Variants in ERCC6 observed in about 807,000 individuals in gnomAD.
ERCC6 encodes the protein ERCC excision repair 6, chromatin remodeling factor.
In ERCC6, 116 loss-of-function variants were observed where a neutral mutation model predicts 158.7. The ratio of observed to expected loss-of-function variants is 0.73; its 90% CI spans 0.63 to 0.85. The LOEUF is 0.85. Ranked by LOEUF, ERCC6 falls within the 40% of genes least tolerant of loss-of-function variation. ERCC6 has a pLI of 0.00. For missense variants in ERCC6, 1,698 were observed against 1,799.4 expected (o/e 0.94, Z 1.02); for synonymous variants, 678 against 659.3 (o/e 1.03, Z -0.43).
Position 49,458,646 on chromosome 10 carries a change from T to G in ERCC6, c.*169A>C. 1.4e-6 allele frequency: 1 copy of G among 689,910 alleles called. No homozygotes were observed. 42.7% of individuals were successfully genotyped at this position (689,910 alleles called of 1,614,324 possible). On this transcript the variant is annotated 3_prime_UTR_variant, in exon 21 of 21. Transcript: ENST00000355832. The stretch of plus-strand genomic sequence containing the variant: ...CTAGCATTATTAAAACTTTTAACTT[T>G]CAGAGAAGAGTTTCTTCTTCCTTAA...
chr10:49,485,877 A>AT (rs1375808395), intron 8 of ERCC6, among the ~76,000 whole-genome samples: 2 of 152,234 alleles, frequency 1.3e-5, no homozygotes, highest in East Asian at 3.8e-4. Flanking sequence ...ACAGTGAGTT[A>AT]TTAACAGGGA....
intron 20 of ERCC6, among the ~76,000 whole-genome samples, chr10:49,459,489 C>T: frequency 6.6e-6 from 1 of 152,132 alleles, no homozygotes; most frequent in South Asian, 2.1e-4. Context: ...GTCACCACCA[C>T]TCAACATGGT....
At chr10:49,446,953 A>G in the ERCC6 span, among the ~76,000 whole-genome samples, 2 of 152,240 alleles carry the variant, frequency 1.3e-5, no homozygotes, top group Non-Finnish European at 2.9e-5. Context: ...AAGGACATGA[A>G]TCCTTAAATT....
At chr10:49,489,812 TGGG>T in intron 8 of ERCC6, among the ~76,000 whole-genome samples, 1 of 152,220 alleles carries the variant, frequency 6.6e-6, no homozygotes, top group Admixed American at 6.5e-5. Flanking sequence ...CTGTGAGTTA[TGGG>T]ATAGGTATCA....
chr10:49,530,768 T>C lies in ERCC6; in HGVS notation c.495A>G (p.Arg165=), dbSNP rs567548745. ...CAGAATCTAGTTTCCTGTTGATGTC[T>C]CTGCTGGTGGCAGCTTGAGGGCTAA... is the stretch of plus-strand genomic sequence containing the variant. ...EQLSPQAATS[R]DINRKLDSVK... Residue 165 remains arginine (R), a synonymous_variant, in exon 3 of 21, where the codon AGA becomes AGG. Coordinates refer to ENST00000355832, the MANE Select transcript of ERCC6 (RefSeq NM_000124.4). 1 of 1,613,914 alleles carries C rather than the reference T, an allele frequency of 6.2e-7. No individual in the cohort carries two copies. The highest frequency in any genetic ancestry group is 8.5e-7 in the Non-Finnish European group (1 of 1,179,918).
Position 49,526,115 on chromosome 10 carries a change from TTTTATATATATATATA to T in ERCC6, c.653-1354_653-1339del, listed in dbSNP as rs1449617163. Among the ~76,000 whole-genome samples the T allele has an allele frequency of 3.7e-3, 385 of 105,438 alleles. 21 individuals carry two copies. The highest frequency in any genetic ancestry group is 0.015 in the African/African-American group (363 of 24,486). The allele number at this position is 105,438 out of a possible 152,430, so 69.2% of individuals were successfully genotyped here. ...TTTATATATTTATATATTTATATAT[TTTTATATATATATATA>T]TATATATATATATATATATATATAT... On this transcript the variant is annotated intron_variant, in intron 4 of 20. Coordinates refer to ENST00000355832, the MANE Select transcript of ERCC6 (RefSeq NM_000124.4).
At position 49,524,063 on chromosome 10, in the gene ERCC6, C is replaced by T. The variant is rs1435459745; in HGVS notation, c.1367G>A (p.Gly456Glu). 1.5e-5 allele frequency: 25 copies of T among 1,613,740 alleles called. No homozygotes were observed. The highest frequency in any genetic ancestry group is 5.0e-5 in the Admixed American group (3 of 60,010). Residue 456 changes from glycine to glutamate, a missense_variant, in exon 5 of 21, where the codon GGA becomes GAA. By Grantham distance (98) the Gly-to-Glu change is moderately conservative. Transcript: ENST00000355832. Reference sequence around the variant, plus strand: ...CCGCTGCTTATAATAATCTTCATCTCCATCATCTCGGTATCTTCCCACTTT... The same window carrying T: ...CCGCTGCTTATAATAATCTTCATCTTCATCATCTCGGTATCTTCCCACTTT... Reference protein sequence around the residue: ...GRKVGRYRDDGDEDYYKQRLR... With the variant: ...GRKVGRYRDDEDEDYYKQRLR...
At chr10:49,480,160 G>T (rs734907) in intron 10 of ERCC6, among the ~76,000 whole-genome samples, 1 of 152,188 alleles carries the variant, frequency 6.6e-6, no homozygotes, top group Admixed American at 6.5e-5. Context: ...TATTTGGGCT[G>T]CTGACATGCT....
intron 7 of ERCC6, among the ~76,000 whole-genome samples, chr10:49,494,688 A>G (rs1293927048): frequency 1.3e-5 from 2 of 152,184 alleles, no homozygotes; most frequent in Non-Finnish European, 2.9e-5. Flanking sequence ...TCACTAGTCC[A>G]TGAAGCTGGC....
chr10:49,506,608 TA>T (rs1851447890), intron 5 of ERCC6: 1 of 152,380 alleles, frequency 6.6e-6, no homozygotes, highest in South Asian at 2.1e-4. Flanking sequence ...GTTCACTGAA[TA>T]AAATCTAAGT....
chr10:49,517,041 A>G (rs752413484), intron 5 of ERCC6: 23 of 1,613,608 alleles, frequency 1.4e-5, no homozygotes, highest in Non-Finnish European at 1.8e-5. Flanking sequence ...TTGTATCACT[A>G]TAGCACTTGC....
At chr10:49,500,461 AC>A in intron 7 of ERCC6, 76 bp downstream of exon 7, 1 of 1,467,262 alleles carries the variant, frequency 6.8e-7, no homozygotes, top group Non-Finnish European at 9.5e-7. Flanking sequence ...AATTCACAAG[AC>A]CCTCCTCCAC....
Position 49,472,904 on chromosome 10 carries a change from C to T in ERCC6, c.2829+5G>A. On this transcript the variant is annotated splice_donor_5th_base_variant and intron_variant, in intron 15 of 20. Transcript: ENST00000355832. ...CATTCTTTTAAAAAAAAAATAAAAA[C>T]AAACCTGCGTGTCCGTGCTTGGGTT... The T allele has an allele frequency of 6.2e-7, 1 of 1,612,802 alleles. No homozygotes were observed. The highest frequency in any genetic ancestry group is 8.5e-7 in the Non-Finnish European group (1 of 1,179,440).
At chr10:49,535,250 T>C (rs1837569813) in intron 1 of ERCC6, among the ~76,000 whole-genome samples, 1 of 152,204 alleles carries the variant, frequency 6.6e-6, no homozygotes, top group Non-Finnish European at 1.5e-5. Flanking sequence ...GCAGCTTACA[T>C]GTAATCAGTA....
intron 8 of ERCC6, among the ~76,000 whole-genome samples, chr10:49,486,276 A>T (rs1048886482): frequency 2.0e-5 from 3 of 152,194 alleles, no homozygotes; most frequent in Admixed American, 6.5e-5. Flanking sequence ...AAAGGATTTG[A>T]GTATCACCAT....
rs771748055 is a variant in ERCC6 at position 49,505,925 on chromosome 10, T to C, written c.1485A>G (p.Glu495=). The change falls in exon 6 of 21, where the codon GAA becomes GAG. Residue 495 remains glutamate (E), a synonymous_variant. Coordinates refer to ENST00000355832, the MANE Select transcript of ERCC6 (RefSeq NM_000124.4). ...DSEESDAEFD[E]GFKVPGFLFK... Reference sequence around the variant, plus strand: ...ACAGAAAACCTGGCACTTTAAAACCTTCGTCAAATTCAGCATCACTTTCCT... The same window carrying C: ...ACAGAAAACCTGGCACTTTAAAACCCTCGTCAAATTCAGCATCACTTTCCT... The C allele has an allele frequency of 1.2e-6, 2 of 1,613,490 alleles. No homozygotes were observed. The highest frequency in any genetic ancestry group is 2.2e-5 in the South Asian group (2 of 91,072).
chr10:49,456,747 A>C lies in ERCC6; in HGVS notation c.*2068T>G, dbSNP rs1850489713. 6.6e-6 allele frequency: 1 copy of C among 152,248 alleles called. No homozygotes were observed. Among genetic ancestry groups the C allele is most frequent in the Admixed American group, 6.5e-5 (1 of 15,282 alleles). 9.4% of individuals were successfully genotyped at this position (152,248 alleles called of 1,614,324 possible). On this transcript the variant is annotated 3_prime_UTR_variant, in exon 21 of 21. Transcript: ENST00000355832. Reference sequence around the variant, plus strand: ...TGTACAAAGCTTTTAAAGTTCTAAAAATCAGATTTTTATCTAAATGAATAA... The same window carrying C: ...TGTACAAAGCTTTTAAAGTTCTAAACATCAGATTTTTATCTAAATGAATAA...
downstream of ERCC6, among the ~76,000 whole-genome samples, chr10:49,451,179 T>TG (rs1850416803): frequency 7.0e-6 from 1 of 143,742 alleles, no homozygotes; most frequent in African/African-American, 2.8e-5. Context: ...TTTCAATAGT[T>TG]TTTTTTTTTT....
the ERCC6 span, among the ~76,000 whole-genome samples, chr10:49,447,071 A>G: frequency 0.015 from 2,244 of 152,340 alleles, 49 homozygotes; most frequent in African/African-American, 0.049. Context: ...CAGAACACCA[A>G]TGACAAACAG....
Sources: allele counts gnomAD v4.1 joint callset (sites outside exome capture counted in the v4.1 genomes callset), GRCh38; gene constraint gnomAD v4.1.1; transcripts MANE v1.5; gene names NCBI Gene and HGNC (gene_info 2026-07-23, HGNC 2026-07-21).